TAB2: variants seen among roughly 807,000 people sequenced by gnomAD.
The protein encoded by TAB2 is TGF-beta-activated kinase 1 and MAP3K7-binding protein 2.
Under a neutral mutation model 65.0 loss-of-function variants are expected in TAB2, and 3 were observed. That is an observed-to-expected ratio of 0.05 (90% CI 0.02 to 0.12). TAB2 has a LOEUF of 0.12. Ranked by LOEUF, TAB2 falls within the 10% of genes least tolerant of loss-of-function variation. The pLI, the probability that TAB2 is intolerant of heterozygous loss-of-function variation, is 1.00. For synonymous variants in TAB2, 298 were observed against 285.1 expected, an observed-to-expected ratio of 1.05 and a Z score of -0.46; for missense variants, 623 against 840.3, an observed-to-expected ratio of 0.74 and a Z score of 3.20.
chr6:149,297,781 C>A (rs973666946), intron 1 of TAB2, among the ~76,000 whole-genome samples: 1 of 152,130 alleles, frequency 6.6e-6, no homozygotes, highest in Non-Finnish European at 1.5e-5. Flanking sequence ...GGTCCTCCCA[C>A]CTCAGCCTCC....
In TAB2 at chr6:149,403,349, C is replaced by CATATATAT. The variant is rs1562456640; in HGVS notation, c.1939+4166_1939+4167insTATATATA. ...ATATATACATATATATACACACACA[C>CATATATAT]ACACACACACACACACACACACACA... On this transcript the variant is annotated intron_variant, in intron 6 of 6. Transcript: ENST00000637181. 3.2e-3 allele frequency among the ~76,000 whole-genome samples: 286 copies of CATATATAT among 89,292 alleles called. 4 individuals are homozygous for CATATATAT. The highest frequency in any genetic ancestry group is 0.018 in the African/African-American group (269 of 14,720). 58.6% of individuals were successfully genotyped at this position (89,292 alleles called of 152,430 possible).
intron 1 of TAB2, among the ~76,000 whole-genome samples, chr6:149,306,609 G>A (rs1031671797): frequency 8.6e-5 from 13 of 151,762 alleles, no homozygotes; most frequent in Admixed American, 3.9e-4. Context: ...CAAATTAGCC[G>A]GGTGTAGTGG....
At chr6:149,359,587 A>G (rs1780778136) in intron 1 of TAB2, among the ~76,000 whole-genome samples, 1 of 152,138 alleles carries the variant, frequency 6.6e-6, no homozygotes, top group African/African-American at 2.4e-5. Flanking sequence ...TGTCTTTCTG[A>G]TGTGGTCCTA....
chr6:149,384,001 T>TA (rs1291730507), intron 3 of TAB2, among the ~76,000 whole-genome samples: 1 of 152,228 alleles, frequency 6.6e-6, no homozygotes, highest in African/African-American at 2.4e-5. Context: ...TCTCTGCAGT[T>TA]ACTAAACGGG....
intron 1 of TAB2, among the ~76,000 whole-genome samples, chr6:149,295,280 T>A: frequency 6.6e-6 from 1 of 152,216 alleles, no homozygotes; most frequent in East Asian, 1.9e-4. Flanking sequence ...TACTAAGACT[T>A]CTTTTGTCAT....
At chr6:149,309,070 T>A (rs889760209) in intron 1 of TAB2, among the ~76,000 whole-genome samples, 2 of 152,172 alleles carry the variant, frequency 1.3e-5, no homozygotes, top group African/African-American at 2.4e-5. Flanking sequence ...ATGTTCTAAG[T>A]TTATTTTCCC....
chr6:149,261,474 A>G (rs1778151219), intron 1 of TAB2, among the ~76,000 whole-genome samples: 1 of 152,254 alleles, frequency 6.6e-6, no homozygotes, highest in South Asian at 2.1e-4. Flanking sequence ...ACTTCACTTT[A>G]TACCAATGAT....
intron 1 of TAB2, among the ~76,000 whole-genome samples, chr6:149,326,543 TTTG>T (rs546348604): frequency 0.011 from 1,077 of 94,452 alleles, 7 homozygotes; most frequent in African/African-American, 0.039. Context: ...GCCTTGTGTT[TTTG>T]TTATTATTTT....
chr6:149,362,386 C>T (rs935150192), intron 1 of TAB2, among the ~76,000 whole-genome samples: 7 of 152,126 alleles, frequency 4.6e-5, no homozygotes, highest in African/African-American at 1.2e-4. Flanking sequence ...TCACATAGAG[C>T]GGGTGCAAGA....
At chr6:149,381,901 A>G (rs979920579) in intron 3 of TAB2, among the ~76,000 whole-genome samples, 1 of 151,938 alleles carries the variant, frequency 6.6e-6, no homozygotes, top group Non-Finnish European at 1.5e-5. Context: ...CATCATCACT[A>G]CTGTGGTCTC....
intron 1 of TAB2, among the ~76,000 whole-genome samples, chr6:149,242,647 G>C (rs1032238700): frequency 3.9e-5 from 6 of 152,198 alleles, no homozygotes; most frequent in African/African-American, 1.2e-4. Context: ...CACTTTTCTG[G>C]AAGAACCTGT....
At chr6:149,258,591 A>T (rs773335200) in intron 1 of TAB2, among the ~76,000 whole-genome samples, 6 of 152,200 alleles carry the variant, frequency 3.9e-5, no homozygotes, top group Non-Finnish European at 8.8e-5. Flanking sequence ...ATCCATTTTT[A>T]TACAAAAGAT....
chr6:149,324,765 A>G (rs536397425), intron 1 of TAB2, among the ~76,000 whole-genome samples: 3 of 152,068 alleles, frequency 2.0e-5, no homozygotes, highest in Admixed American at 6.6e-5. Flanking sequence ...TAATTCTGAT[A>G]TGAACTGGGG....
At chr6:149,386,250 T>TA (rs1183966307) in intron 3 of TAB2, among the ~76,000 whole-genome samples, 1 of 152,166 alleles carries the variant, frequency 6.6e-6, no homozygotes, top group Non-Finnish European at 1.5e-5. Flanking sequence ...GTAAATCTAT[T>TA]ATTCTTTAAA....
Position 149,307,965 on chromosome 6 carries a change from A to G in TAB2, c.-120-70053A>G, listed in dbSNP as rs548240267. On this transcript the variant is annotated intron_variant, in intron 1 of 1. Transcript: ENST00000606202. ...ACACCCACATTTTTAAAATGGGATC[A>G]TAGTATTTTTGACAATGTCAAGAAA... 6.6e-5 allele frequency among the ~76,000 whole-genome samples: 10 copies of G among 152,256 alleles called. No individual in the cohort carries two copies. The East Asian group carries it at 1.9e-3, about 29-fold the overall frequency.
chr6:149,315,676 G>A (rs1466218483), upstream of TAB2, among the ~76,000 whole-genome samples: 1 of 152,062 alleles, frequency 6.6e-6, no homozygotes. Flanking sequence ...GTTTTTTCTA[G>A]TCTGCAGTCT....
chr6:149,248,659 C>G (rs570482887), intron 1 of TAB2, among the ~76,000 whole-genome samples: 4 of 152,248 alleles, frequency 2.6e-5, no homozygotes, highest in African/African-American at 9.6e-5. Context: ...AGTAGTTTCC[C>G]TAGTTCTTCC....
At chr6:149,255,596 G>T (rs1414538873) in intron 1 of TAB2, among the ~76,000 whole-genome samples, 2 of 151,976 alleles carry the variant, frequency 1.3e-5, no homozygotes, top group Non-Finnish European at 2.9e-5. Context: ...CTGTAAATAG[G>T]AAAAATATGC....
At chr6:149,303,045 C>T (rs1226307061) in intron 1 of TAB2, among the ~76,000 whole-genome samples, 1 of 152,190 alleles carries the variant, frequency 6.6e-6, no homozygotes, top group African/African-American at 2.4e-5. Context: ...GTTGTGTGCT[C>T]CTTATGAGAA....
Sources: gnomAD v4.1 joint callset for allele counts (sites outside exome capture counted in the v4.1 genomes callset) on GRCh38, gnomAD v4.1.1 for gene constraint, MANE v1.5 for transcripts, NCBI Gene and HGNC (gene_info 2026-07-23, HGNC 2026-07-21) for gene names.